AGMO: variants seen among roughly 807,000 people sequenced by gnomAD.
AGMO encodes alkylglycerol monooxygenase.
AGMO carries 75 observed loss-of-function variants against 60.2 expected under a neutral mutation model. That is an observed-to-expected ratio of 1.25 (90% CI 1.03 to 1.51). AGMO has a LOEUF of 1.51. Among genes scored for constraint, AGMO ranks in the 40% most tolerant of loss-of-function variants. The probability of loss-of-function intolerance (pLI) is 0.00; values close to 1 mark genes in which losing one functional copy is unlikely to be tolerated. For synonymous variants in AGMO, 261 were observed against 177.1 expected (o/e 1.47, Z -3.76); for missense variants, 763 against 525.5 (o/e 1.45, Z -4.42).
chr7:15,345,174 T>G lies in AGMO; in HGVS notation c.1263+20340A>C, dbSNP rs1781987192. Reference sequence around the variant, plus strand: ...CTTCAATTGCATCAGTAGTATGGCCTGAGAACAAAATCCCAAGCTCAAGTG... The same window carrying G: ...CTTCAATTGCATCAGTAGTATGGCCGGAGAACAAAATCCCAAGCTCAAGTG... On this transcript the variant is annotated intron_variant, in intron 12 of 12. Transcript: ENST00000342526. Among the ~76,000 whole-genome samples, 3 of 152,192 alleles carry G rather than the reference T, an allele frequency of 2.0e-5. No individual in the cohort carries two copies. The South Asian group carries it at 6.2e-4, about 32-fold the overall frequency.
intron 12 of AGMO, among the ~76,000 whole-genome samples, chr7:15,247,683 C>T (rs1474736972): frequency 2.0e-5 from 3 of 151,966 alleles, no homozygotes; most frequent in Non-Finnish European, 4.4e-5. Context: ...AAACTAATAA[C>T]AAAATATTTT....
chr7:15,227,715 G>A (rs1272901314), intron 12 of AGMO, among the ~76,000 whole-genome samples: 1 of 152,062 alleles, frequency 6.6e-6, no homozygotes, highest in Non-Finnish European at 1.5e-5. Flanking sequence ...AGCATGAACA[G>A]TAAGTACACA....
In AGMO at chr7:15,387,245, TG is replaced by T. The variant is rs200973462; in HGVS notation, c.957+160del. Among the ~76,000 whole-genome samples the T allele has an allele frequency of 2.6e-5, 4 of 152,220 alleles. No individual in the cohort carries two copies. In the East Asian group the frequency reaches 7.7e-4, roughly 29 times the overall value. On this transcript the variant is annotated intron_variant, in intron 9 of 12. Coordinates refer to ENST00000342526, the MANE Select transcript of AGMO (RefSeq NM_001004320.2). ...GGCACTCCTTTAATTGGCACAAAGT[TG>T]GTGGATACTCATTAAGTAAGTTATG...
At chr7:15,118,493 T>C in the AGMO span, among the ~76,000 whole-genome samples, 1 of 152,108 alleles carries the variant, frequency 6.6e-6, no homozygotes, top group Non-Finnish European at 1.5e-5. Flanking sequence ...TAAGCTCACT[T>C]GGTCTATCAC....
intron 6 of AGMO, among the ~76,000 whole-genome samples, chr7:15,392,222 A>G (rs1296439497): frequency 2.6e-5 from 4 of 151,614 alleles, no homozygotes; most frequent in African/African-American, 9.7e-5. Context: ...GGTGCCGGCC[A>G]CTATACCCGG....
At chr7:15,362,006 G>C (rs1782785916) in intron 12 of AGMO, among the ~76,000 whole-genome samples, 1 of 152,078 alleles carries the variant, frequency 6.6e-6, no homozygotes, top group Non-Finnish European at 1.5e-5. Flanking sequence ...TCTAGTGATA[G>C]CTTCAAAGAA....
rs1177038571 is a variant in AGMO at position 15,322,692 on chromosome 7, ATG to A, written c.1263+42820_1263+42821del. 7.0e-5 allele frequency among the ~76,000 whole-genome samples: 4 copies of A among 56,824 alleles called. 1 individual carries two copies. Among genetic ancestry groups the A allele is most frequent in the East Asian group, 4.2e-4 (1 of 2,378 alleles). 37.3% of individuals were successfully genotyped at this position (56,824 alleles called of 152,430 possible). A position where few individuals can be genotyped will look rare whatever the true frequency, so the allele number is the denominator to read the frequency against. On this transcript the variant is annotated intron_variant, in intron 12 of 12. Transcript: ENST00000342526. Reference sequence around the variant, plus strand: ...TATAAATATATGTATATATAAATATATGAATATGTATAAATATATATAAATAT... The same window carrying A: ...TATAAATATATGTATATATAAATATAAATATGTATAAATATATATAAATAT...
intron 8 of AGMO, among the ~76,000 whole-genome samples, chr7:15,388,701 T>C (rs1784022171): frequency 6.6e-6 from 1 of 152,190 alleles, no homozygotes; most frequent in African/African-American, 2.4e-5. Flanking sequence ...CTGTGTCTGT[T>C]GGGAGCCATC....
At chr7:15,302,768 T>C (rs536050977) in intron 12 of AGMO, among the ~76,000 whole-genome samples, 18 of 152,254 alleles carry the variant, frequency 1.2e-4, no homozygotes, top group Admixed American at 5.9e-4. Context: ...TATGGTACGG[T>C]TGCTGGAATA....
chr7:15,334,138 G>A (rs1423724373), intron 12 of AGMO, among the ~76,000 whole-genome samples: 2 of 151,814 alleles, frequency 1.3e-5, no homozygotes, highest in Non-Finnish European at 1.5e-5. Context: ...TCATAACAAA[G>A]GCTTTAAAAG....
chr7:15,197,421 T>C (rs1403002277), downstream of AGMO, among the ~76,000 whole-genome samples: 1 of 152,206 alleles, frequency 6.6e-6, no homozygotes. Context: ...GCTGTTAATG[T>C]TAAATACAAG....
chr7:15,526,462 T>C (rs1481689072), intron 3 of AGMO, among the ~76,000 whole-genome samples: 1 of 152,148 alleles, frequency 6.6e-6, no homozygotes, highest in Non-Finnish European at 1.5e-5. Context: ...CTGCAAGATA[T>C]CTCGCCTTTT....
intron 3 of AGMO, among the ~76,000 whole-genome samples, chr7:15,490,856 A>G (rs960486569): frequency 1.3e-5 from 2 of 152,192 alleles, no homozygotes; most frequent in African/African-American, 4.8e-5. Context: ...TAAAAAGAAA[A>G]TCTTATGATT....
intron 12 of AGMO, among the ~76,000 whole-genome samples, chr7:15,221,012 A>G (rs2128496869): frequency 6.6e-6 from 1 of 152,340 alleles, no homozygotes; most frequent in East Asian, 1.9e-4. Context: ...GGAAAATACA[A>G]TGAGGATGTC....
intron 2 of AGMO, among the ~76,000 whole-genome samples, chr7:15,548,727 G>T (rs1291409098): frequency 6.6e-6 from 1 of 152,200 alleles, no homozygotes; most frequent in Non-Finnish European, 1.5e-5. Flanking sequence ...ATGGAACCAA[G>T]TTGGAAAACA....
At chr7:15,446,314 C>T (rs763043377) in intron 3 of AGMO, among the ~76,000 whole-genome samples, 5 of 152,116 alleles carry the variant, frequency 3.3e-5, no homozygotes, top group Non-Finnish European at 5.9e-5. Context: ...TTCTCTCTTT[C>T]CCTGTGATCA....
the AGMO span, among the ~76,000 whole-genome samples, chr7:15,135,979 C>CTTTTTTTTTTTTTTTTTTTTGTTT: frequency 1.7e-4 from 18 of 106,866 alleles, no homozygotes; most frequent in Non-Finnish European, 2.3e-4. Context: ...TTTTTCTTTT[C>CTTTTTTTTTTTTTTTTTTTTGTTT]TTTTTTTTTT....
intron 12 of AGMO, among the ~76,000 whole-genome samples, chr7:15,236,151 G>A (rs905641325): frequency 6.6e-6 from 1 of 152,066 alleles, no homozygotes; most frequent in Non-Finnish European, 1.5e-5. Context: ...CATGTATAAA[G>A]ATTTAAAGAC....
chr7:15,183,589 T>G, the AGMO span, among the ~76,000 whole-genome samples: 2 of 152,194 alleles, frequency 1.3e-5, no homozygotes, highest in Non-Finnish European at 2.9e-5. Flanking sequence ...CTTCTTCAGA[T>G]TCTTACATTT....
Sources: gnomAD v4.1 joint callset for allele counts (sites outside exome capture counted in the v4.1 genomes callset) on GRCh38, gnomAD v4.1.1 for gene constraint, MANE v1.5 for transcripts, NCBI Gene and HGNC (gene_info 2026-07-23, HGNC 2026-07-21) for gene names.